PHF24: variants seen among roughly 807,000 people sequenced by gnomAD.
The protein encoded by PHF24 is PHD finger protein 24.
Under a neutral mutation model 42.6 loss-of-function variants are expected in PHF24, and 25 were observed. The observed-to-expected ratio is 0.59, with a 90% CI of 0.43 to 0.82. PHF24 has a LOEUF of 0.82. PHF24 is among the 40% of genes least tolerant of loss of function. The pLI, the probability that PHF24 is intolerant of heterozygous loss-of-function variation, is 0.00. For missense variants in PHF24, 470 were observed against 538.1 expected, an observed-to-expected ratio of 0.87 and a Z score of 1.25; for synonymous variants, 185 against 204.8, an observed-to-expected ratio of 0.90 and a Z score of 0.83.
At chr9:34,932,046 G>A in the PHF24 span, among the ~76,000 whole-genome samples, 1 of 152,230 alleles carries the variant, frequency 6.6e-6, no homozygotes, top group South Asian at 2.1e-4. Context: ...ATGAAATCAC[G>A]GGAGGGTGAG....
the PHF24 span, among the ~76,000 whole-genome samples, chr9:34,722,102 A>C: frequency 6.6e-6 from 1 of 152,136 alleles, no homozygotes; most frequent in Non-Finnish European, 1.5e-5. Context: ...GTATTATCTG[A>C]AGCCAGGACC....
the PHF24 span, among the ~76,000 whole-genome samples, chr9:34,754,975 C>T: frequency 6.6e-6 from 1 of 152,058 alleles, no homozygotes; most frequent in Non-Finnish European, 1.5e-5. Flanking sequence ...TTTGTATGTT[C>T]TCACTCATTT....
At chr9:34,832,468 G>T in the PHF24 span, 1 of 1,507,456 alleles carries the variant, frequency 6.6e-7, no homozygotes, top group Non-Finnish European at 8.9e-7. Context: ...TTCTGAGCAC[G>T]ATGAGATTGG....
chr9:34,903,213 T>C, the PHF24 span, among the ~76,000 whole-genome samples: 3 of 152,234 alleles, frequency 2.0e-5, no homozygotes, highest in African/African-American at 4.8e-5. Flanking sequence ...GTTAAGAGGA[T>C]ATAAATACTC....
At chr9:34,695,944 T>C in the PHF24 span, among the ~76,000 whole-genome samples, 2 of 151,972 alleles carry the variant, frequency 1.3e-5, no homozygotes, top group Non-Finnish European at 2.9e-5. Context: ...ATGGTCTCTG[T>C]GGTTGGAAAA....
chr9:34,777,175 G>C, the PHF24 span, among the ~76,000 whole-genome samples: 1 of 152,194 alleles, frequency 6.6e-6, no homozygotes, highest in Admixed American at 6.5e-5. Context: ...GGGGGTCCAG[G>C]TGGGCTGATT....
the PHF24 span, chr9:34,665,829 G>C: frequency 1.6e-6 from 1 of 608,140 alleles, no homozygotes; most frequent in African/African-American, 1.9e-5. Context: ...GGTGGGCTTG[G>C]AGATTTGGGA....
At chr9:34,944,491 T>C in the PHF24 span, among the ~76,000 whole-genome samples, 1 of 152,226 alleles carries the variant, frequency 6.6e-6, no homozygotes, top group Non-Finnish European at 1.5e-5. Flanking sequence ...GGCCAGCTGT[T>C]GCCTTATGAG....
the PHF24 span, among the ~76,000 whole-genome samples, chr9:34,920,863 T>C: frequency 2.6e-5 from 4 of 152,250 alleles, no homozygotes; most frequent in Non-Finnish European, 5.9e-5. Flanking sequence ...TCTGCCACTT[T>C]ACTGAATTTG....
the PHF24 span, among the ~76,000 whole-genome samples, chr9:34,890,942 ACTT>A: frequency 6.6e-6 from 1 of 152,148 alleles, no homozygotes; most frequent in Non-Finnish European, 1.5e-5. Flanking sequence ...ATGGCCCAGG[ACTT>A]ACACATTGCT....
intron 1 of PHF24, among the ~76,000 whole-genome samples, chr9:34,961,660 A>G: frequency 6.6e-6 from 1 of 152,250 alleles, no homozygotes. Flanking sequence ...AGCATCACTG[A>G]AACTCAGCTG....
At chr9:34,784,989 C>G in the PHF24 span, among the ~76,000 whole-genome samples, 7 of 152,214 alleles carry the variant, frequency 4.6e-5, no homozygotes, top group Non-Finnish European at 1.0e-4. Context: ...TGTGAATACA[C>G]AGCAGCACAC....
chr9:34,887,888 A>G, the PHF24 span, among the ~76,000 whole-genome samples: 1 of 152,084 alleles, frequency 6.6e-6, no homozygotes, highest in Admixed American at 6.6e-5. Context: ...TGCCTGGCAT[A>G]TAATAGGTGC....
the PHF24 span, among the ~76,000 whole-genome samples, chr9:34,862,137 A>G: frequency 6.6e-6 from 1 of 152,196 alleles, no homozygotes; most frequent in Admixed American, 6.5e-5. Context: ...CACCCATCCC[A>G]GTAGTGAGAA....
intron 1 of PHF24, among the ~76,000 whole-genome samples, chr9:34,969,817 C>T (rs544641309): frequency 6.6e-6 from 1 of 152,158 alleles, no homozygotes; most frequent in Non-Finnish European, 1.5e-5. Flanking sequence ...CTTGTCTGGA[C>T]TATGATATTA....
the PHF24 span, among the ~76,000 whole-genome samples, chr9:34,758,773 C>G: frequency 6.6e-6 from 1 of 152,142 alleles, no homozygotes; most frequent in African/African-American, 2.4e-5. This position sits in a 1 kb window ranked among gnomAD's most constrained non-coding sequence, Gnocchi z 4.4. Context: ...TTAGGCAGCT[C>G]TCTATACTGG....
At chr9:34,949,614 G>C in the PHF24 span, among the ~76,000 whole-genome samples, 1 of 152,166 alleles carries the variant, frequency 6.6e-6, no homozygotes, top group South Asian at 2.1e-4. Context: ...GCCCATCAGT[G>C]ATAGACTGGA....
upstream of PHF24, chr9:34,957,544 T>C (rs1826404306): frequency 6.6e-6 from 1 of 152,220 alleles, no homozygotes; most frequent in South Asian, 2.1e-4. Flanking sequence ...ATGAGGTTGC[T>C]GCAGCAAAAA....
the PHF24 span, among the ~76,000 whole-genome samples, chr9:34,811,853 G>C: frequency 6.4e-3 from 973 of 152,176 alleles, 8 homozygotes; most frequent in Middle Eastern, 0.037. Flanking sequence ...AAAGTGAAAA[G>C]ACAGCCCATG....
Sources: allele counts gnomAD v4.1 joint callset (sites outside exome capture counted in the v4.1 genomes callset), GRCh38; gene constraint gnomAD v4.1.1; non-coding constraint Gnocchi (gnomAD v3.1); transcripts MANE v1.5; gene names NCBI Gene and HGNC (gene_info 2026-07-23, HGNC 2026-07-21).